The following DNM3 variants were observed in gnomAD, a reference collection of about 807,000 sequenced individuals.
The protein encoded by DNM3 is dynamin-3.
In DNM3, 47 loss-of-function variants were observed where a neutral mutation model predicts 101.6. The ratio of observed to expected loss-of-function variants is 0.46; its 90% CI spans 0.37 to 0.59. The LOEUF (loss-of-function observed/expected upper bound fraction) is 0.59. Among genes scored for constraint, DNM3 ranks in the 20% least tolerant of loss-of-function variants. The pLI is 0.00. For synonymous variants in DNM3, 385 were observed against 387.9 expected (o/e 0.99, Z 0.09); for missense variants, 849 against 1,085.7 (o/e 0.78, Z 3.06).
At chr1:172,389,609 T>G (rs1262837114) in intron 20 of DNM3, among the ~76,000 whole-genome samples, 2 of 152,052 alleles carry the variant, frequency 1.3e-5, no homozygotes, top group Non-Finnish European at 2.9e-5. Flanking sequence ...CCCCTCAAAA[T>G]CAGAAATATA....
chr1:171,844,093 G>A lies in DNM3; in HGVS notation c.161+2276G>A, dbSNP rs892387284. The stretch of plus-strand genomic sequence containing the variant: ...GTCATTTGACTTTAATAAAGATTTC[G>A]GTCATTGAATTATTGAGGAATCTAA... On this transcript the variant is annotated intron_variant, in intron 1 of 20. Transcript: ENST00000627582. Among the ~76,000 whole-genome samples the A allele has an allele frequency of 5.3e-5, 8 of 152,166 alleles. No homozygotes were observed. In the South Asian group the frequency reaches 8.3e-4, roughly 16 times the overall value.
chr1:172,028,660 C>G (rs1406255897), intron 4 of DNM3, among the ~76,000 whole-genome samples: 2 of 151,846 alleles, frequency 1.3e-5, no homozygotes, highest in African/African-American at 4.8e-5. Context: ...AAATAGACTG[C>G]TAGCCAGATT....
intron 20 of DNM3, among the ~76,000 whole-genome samples, chr1:172,398,932 G>A (rs1222748854): frequency 6.6e-6 from 1 of 152,168 alleles, no homozygotes; most frequent in African/African-American, 2.4e-5. Flanking sequence ...GATTAAAACG[G>A]ATTGGTTGAA....
chr1:172,194,935 T>C (rs2059891938), intron 14 of DNM3, among the ~76,000 whole-genome samples: 2 of 152,128 alleles, frequency 1.3e-5, no homozygotes, highest in African/African-American at 2.4e-5. Flanking sequence ...GCTCATTAGT[T>C]GATGCAGTTT....
chr1:172,057,955 A>G (rs1477861232), intron 10 of DNM3, among the ~76,000 whole-genome samples: 1 of 140,242 alleles, frequency 7.1e-6, no homozygotes, highest in African/African-American at 2.8e-5. Context: ...AACCCATCTC[A>G]TGTGCAGAGA....
At chr1:172,237,485 T>G (rs2061588474) in intron 14 of DNM3, among the ~76,000 whole-genome samples, 2 of 152,162 alleles carry the variant, frequency 1.3e-5, no homozygotes, top group African/African-American at 4.8e-5. Context: ...CCAAATTATT[T>G]GTAAGTCAAG....
At chr1:172,298,063 C>A (rs2064250960) in intron 15 of DNM3, among the ~76,000 whole-genome samples, 1 of 152,084 alleles carries the variant, frequency 6.6e-6, no homozygotes, top group Admixed American at 6.5e-5. Context: ...CAATGATCAG[C>A]CTTTCTTGCT....
chr1:172,143,881 T>G (rs1169492811), intron 14 of DNM3, among the ~76,000 whole-genome samples: 1 of 152,094 alleles, frequency 6.6e-6, no homozygotes, highest in East Asian at 1.9e-4. Context: ...CTTCTTTTAT[T>G]GTTAGGTACT....
At chr1:171,841,862 C>T in intron 1 of DNM3, 45 bp downstream of exon 1, 5 of 1,573,068 alleles carry the variant, frequency 3.2e-6, no homozygotes, top group South Asian at 1.1e-5. Context: ...GTGGGGCGAC[C>T]CCGCTGCGGG....
At chr1:172,194,672 A>G (rs1223899288) in intron 14 of DNM3, among the ~76,000 whole-genome samples, 1 of 152,058 alleles carries the variant, frequency 6.6e-6, no homozygotes, top group Non-Finnish European at 1.5e-5. Flanking sequence ...ATCAGAGACT[A>G]GGATTGCAAC....
At chr1:171,863,165 G>C (rs2034358968) in intron 1 of DNM3, among the ~76,000 whole-genome samples, 1 of 151,932 alleles carries the variant, frequency 6.6e-6, no homozygotes, top group African/African-American at 2.4e-5. Context: ...CAAGAAGTAA[G>C]GTAAGACCCA....
At chr1:171,919,307 G>GC (rs2039969538) in intron 1 of DNM3, among the ~76,000 whole-genome samples, 1 of 151,918 alleles carries the variant, frequency 6.6e-6, no homozygotes, top group Non-Finnish European at 1.5e-5. Flanking sequence ...CCCTCTCCTG[G>GC]CCCCCCACCC....
At chr1:171,951,727 G>T (rs923525513) in intron 2 of DNM3, among the ~76,000 whole-genome samples, 3 of 152,096 alleles carry the variant, frequency 2.0e-5, no homozygotes, top group East Asian at 3.9e-4. Flanking sequence ...TAGTGGAGGT[G>T]TTGACAAAAA....
chr1:171,963,284 C>T (rs1014336086), intron 2 of DNM3, among the ~76,000 whole-genome samples: 1 of 152,054 alleles, frequency 6.6e-6, no homozygotes, highest in Non-Finnish European at 1.5e-5. Flanking sequence ...TCTGAAAAAG[C>T]TACATATTGT....
intron 14 of DNM3, among the ~76,000 whole-genome samples, chr1:172,164,227 C>CTTTTTTTTTTTTTT (rs1165249284): frequency 9.8e-6 from 1 of 102,524 alleles, no homozygotes; most frequent in African/African-American, 4.7e-5. Context: ...ATTTTCTTTT[C>CTTTTTTTTTTTTTT]TTTTCTTTTT....
chr1:172,271,643 A>G (rs933734496), intron 15 of DNM3, among the ~76,000 whole-genome samples: 2 of 152,056 alleles, frequency 1.3e-5, no homozygotes, highest in African/African-American at 4.8e-5. Flanking sequence ...TTCCACCAAA[A>G]CTCGACAAGT....
chr1:171,962,897 A>G (rs72713736), intron 2 of DNM3, among the ~76,000 whole-genome samples: 4 of 152,186 alleles, frequency 2.6e-5, no homozygotes, highest in Admixed American at 2.0e-4. Context: ...AAATGCTAGC[A>G]AGGATGTGGA....
chr1:172,048,680 G>A lies in DNM3; in HGVS notation c.1265G>A (p.Gly422Glu). Reference sequence around the variant, plus strand: ...AAGAAACAGATTGTAAAGTTGAAAGGGCCTTCCTTGAAGAGTGTGGATCTG... The same window carrying A: ...AAGAAACAGATTGTAAAGTTGAAAGAGCCTTCCTTGAAGAGTGTGGATCTG... Reference protein sequence around the residue: ...IVKKQIVKLKGPSLKSVDLVI... With the variant: ...IVKKQIVKLKEPSLKSVDLVI... The change falls in exon 10 of 21, where the codon GGG becomes GAG. Residue 422 changes from glycine (G) to glutamate (E), a missense_variant. Physicochemically the swap from Gly to Glu is moderately conservative, Grantham distance 98. Coordinates refer to ENST00000627582, the MANE Select transcript of DNM3 (RefSeq NM_015569.5). 1 of 1,613,560 alleles carries A rather than the reference G, an allele frequency of 6.2e-7. No homozygotes were observed.
At chr1:171,942,224 T>TTTTTA (rs1045551751) in intron 2 of DNM3, among the ~76,000 whole-genome samples, 1 of 148,644 alleles carries the variant, frequency 6.7e-6, no homozygotes. Flanking sequence ...TTTTTTTTTT[T>TTTTTA]ATGGAATAAG....
Sources: allele counts gnomAD v4.1 joint callset (sites outside exome capture counted in the v4.1 genomes callset), GRCh38; gene constraint gnomAD v4.1.1; transcripts MANE v1.5; gene names NCBI Gene and HGNC (gene_info 2026-07-23, HGNC 2026-07-21).